The following MEGF8 variants were observed in gnomAD, a reference collection of about 807,000 sequenced individuals.
MEGF8 encodes multiple epidermal growth factor-like domains protein 8.
Under a neutral mutation model 302.9 loss-of-function variants are expected in MEGF8, and 156 were observed. That is an observed-to-expected ratio of 0.52 (90% CI 0.45 to 0.59). The LOEUF (loss-of-function observed/expected upper bound fraction) is 0.59. Ranked by LOEUF, MEGF8 falls within the 20% of genes least tolerant of loss-of-function variation. The pLI, the probability that MEGF8 is intolerant of heterozygous loss-of-function variation, is 0.00. For synonymous variants in MEGF8, 1,621 were observed against 1,660.5 expected, an observed-to-expected ratio of 0.98 and a Z score of 0.58; for missense variants, 3,345 against 3,964.5, an observed-to-expected ratio of 0.84 and a Z score of 4.20.
intron 1 of MEGF8, among the ~76,000 whole-genome samples, chr19:42,326,998 C>T (rs535418994): frequency 3.9e-5 from 6 of 152,218 alleles, no homozygotes; most frequent in South Asian, 4.1e-4. Flanking sequence ...AGCCACTGTG[C>T]CTGGCTTCTT....
chr19:42,352,180 C>T lies in MEGF8; in HGVS notation c.3102-28C>T. 7 of 1,486,540 alleles carry T rather than the reference C, an allele frequency of 4.7e-6. No homozygotes were observed. Among genetic ancestry groups the T allele is most frequent in the Non-Finnish European group, 6.3e-6 (7 of 1,114,818 alleles). 92.1% of individuals were successfully genotyped at this position (1,486,540 alleles called of 1,614,324 possible). Reference sequence around the variant, plus strand: ...TATGGCTCCTGTTTCTATGTTGTCCCCCGCTTCTTCACTCTCCCACCCTGC... The same window carrying T: ...TATGGCTCCTGTTTCTATGTTGTCCTCCGCTTCTTCACTCTCCCACCCTGC... On this transcript the variant is annotated intron_variant, in intron 18 of 41. Transcript: ENST00000251268. The surrounding 1 kb of genome is among the most constrained non-coding windows in gnomAD (Gnocchi z 4.4).
In MEGF8 at chr19:42,348,368, G is replaced by C; in HGVS notation, c.2194G>C (p.Gly732Arg). 1 of 1,537,380 alleles carries C rather than the reference G, an allele frequency of 6.5e-7. No homozygotes were observed. Among genetic ancestry groups the C allele is most frequent in the Non-Finnish European group, 8.7e-7 (1 of 1,146,928 alleles). The change falls in exon 13 of 42, where the codon GGA becomes CGA. Residue 732 changes from glycine to arginine, a missense_variant. Gly to Arg is a moderately radical substitution (Grantham distance 125). Transcript: ENST00000251268. ...YRGFIYPMLP[G>R]GPGGPGAEDV... ...TGGCTTCATCTACCCAATGCTGCCT[G>C]GAGGGCCAGGTGGACCAGGGGCTGA...
chr19:42,352,221 GA>G lies in MEGF8; in HGVS notation c.3116del (p.Asp1039AlafsTer54). The G allele has an allele frequency of 6.5e-7, 1 of 1,539,622 alleles. No homozygotes were observed. Among genetic ancestry groups the G allele is most frequent in the Non-Finnish European group, 8.8e-7 (1 of 1,137,808 alleles). ...NPTLGRCLQG[D>X]FSGPLGGGNC... The stretch of plus-strand genomic sequence containing the variant: ...CCCACCCTGCAGGTGCCTACAGGGG[GA>G]CTTCTCAGGGCCCCTCGGTGGGGGT... On this transcript the variant is annotated frameshift_variant, in exon 19 of 42. Transcript: ENST00000251268. LOFTEE classifies it high-confidence loss of function. This position sits in a 1 kb window ranked among gnomAD's most constrained non-coding sequence, Gnocchi z 4.4.
At position 42,333,750 on chromosome 19, in the gene MEGF8, C is replaced by A; in HGVS notation, c.333C>A (p.Ile111=). 1 of 1,613,894 alleles carries A rather than the reference C, an allele frequency of 6.2e-7. No individual in the cohort carries two copies. Among genetic ancestry groups the A allele is most frequent in the Non-Finnish European group, 8.5e-7 (1 of 1,179,856 alleles). The change falls in exon 2 of 42, where the codon ATC becomes ATA. Residue 111 remains isoleucine (I), a synonymous_variant. Coordinates refer to ENST00000251268, the MANE Select transcript of MEGF8 (RefSeq NM_001271938.2). ...SLSGSTRPPP[I]EASSGKMLLH... The stretch of plus-strand genomic sequence containing the variant: ...GTGGGAGCACCCGACCTCCGCCCAT[C>A]GAAGCTTCCTCAGGCAAGGTTAGTG...
Position 42,353,966 on chromosome 19 carries a change from G to T in MEGF8, c.3953G>T (p.Gly1318Val). The T allele has an allele frequency of 6.3e-7, 1 of 1,582,534 alleles. No individual in the cohort carries two copies. Among genetic ancestry groups the T allele is most frequent in the East Asian group, 2.3e-5 (1 of 42,738 alleles). The change falls in exon 22 of 42, where the codon GGG becomes GTG. Residue 1318 changes from glycine to valine, a missense_variant. Physicochemically the swap from Gly to Val is moderately radical, Grantham distance 109 (BLOSUM62 -3). Coordinates refer to ENST00000251268, the MANE Select transcript of MEGF8 (RefSeq NM_001271938.2). This position sits in a 1 kb window ranked among gnomAD's most constrained non-coding sequence, Gnocchi z 6.1. ...GAGGAGCTACAGCCCTGTGCTCCCG[G>T]GACCCTCTGTCCCCCACTCACCCTC... Reference protein sequence around the residue: ...ATEELQPCAPGTLCPPLTLTF... With the variant: ...ATEELQPCAPVTLCPPLTLTF...
intron 41 of MEGF8, among the ~76,000 whole-genome samples, chr19:42,374,093 GA>G (rs1568578794): frequency 6.6e-6 from 1 of 152,138 alleles, no homozygotes; most frequent in Non-Finnish European, 1.5e-5. Context: ...GTGCTGTGTA[GA>G]CAGTGGTGAC....
chr19:42,356,414 G>A lies in MEGF8; in HGVS notation c.4583G>A (p.Gly1528Asp), dbSNP rs1179202062. 3 of 1,610,872 alleles carry A rather than the reference G, an allele frequency of 1.9e-6. No individual in the cohort carries two copies. Among genetic ancestry groups the A allele is most frequent in the Non-Finnish European group, 2.5e-6 (3 of 1,178,632 alleles). Residue 1528 changes from glycine (G) to aspartate (D), a missense_variant, in exon 26 of 42, where the codon GGC becomes GAC. Coordinates refer to ENST00000251268, the MANE Select transcript of MEGF8 (RefSeq NM_001271938.2). The surrounding 1 kb of genome is among the most constrained non-coding windows in gnomAD (Gnocchi z 5.2). ...GPDATLWMFG[G>D]LGLPQGLLGN... ...GATGCCACCTTGTGGATGTTTGGGG[G>A]CCTGGGCCTGCCCCAGGGGCTGCTG...
At chr19:42,374,677 G>C (rs1892801986) in intron 41 of MEGF8, among the ~76,000 whole-genome samples, 1 of 152,202 alleles carries the variant, frequency 6.6e-6, no homozygotes, top group South Asian at 2.1e-4. Context: ...GGTTGCTGGG[G>C]ACACAGTAGG....
rs1283255317 is a variant in MEGF8 at position 42,358,357 on chromosome 19, G to A, written c.5175+50G>A. On this transcript the variant is annotated intron_variant, in intron 29 of 41. Coordinates refer to ENST00000251268, the MANE Select transcript of MEGF8 (RefSeq NM_001271938.2). The surrounding 1 kb of genome is among the most constrained non-coding windows in gnomAD (Gnocchi z 4.4). ...AGGATGTATGGGGCAGGAGGGAGGG[G>A]TCCTCTTTCCCAGTGCCCCAGGGAC... 2 of 1,530,976 alleles carry A rather than the reference G, an allele frequency of 1.3e-6. No homozygotes were observed. Among genetic ancestry groups the A allele is most frequent in the South Asian group, 2.5e-5 (2 of 79,154 alleles). The allele number at this position is 1,530,976 out of a possible 1,614,324, so 94.8% of individuals were successfully genotyped here. A position where few individuals can be genotyped will look rare whatever the true frequency, so the allele number is the denominator to read the frequency against.
Position 42,368,555 on chromosome 19 carries a change from C to T in MEGF8, c.6374C>T (p.Thr2125Ile). 6.3e-7 allele frequency: 1 copy of T among 1,598,510 alleles called. No homozygotes were observed. The highest frequency in any genetic ancestry group is 8.5e-7 in the Non-Finnish European group (1 of 1,173,322). Residue 2125 changes from threonine (T) to isoleucine (I), a missense_variant, in exon 36 of 42, where the codon ACT (threonine) becomes ATT (isoleucine). Thr to Ile is a moderately conservative substitution (Grantham distance 89). Transcript: ENST00000251268. This position sits in a 1 kb window ranked among gnomAD's most constrained non-coding sequence, Gnocchi z 4.9. ...ESCSLGCAQA[T>I]QCALCLRRPH... ...TGCTCCCTGGGCTGTGCTCAGGCAA[C>T]TCAGTGCGCCTTGTGCCTGCGGCGC...
At position 42,362,117 on chromosome 19, in the gene MEGF8, C is replaced by T. The variant is rs774809942; in HGVS notation, c.5748C>T (p.Ser1916=). 2 of 1,612,334 alleles carry T rather than the reference C, an allele frequency of 1.2e-6. No homozygotes were observed. Among genetic ancestry groups the T allele is most frequent in the Non-Finnish European group, 1.7e-6 (2 of 1,179,528 alleles). The change falls in exon 33 of 42, where the codon TCC becomes TCT. Residue 1916 remains serine (S), a synonymous_variant. Transcript: ENST00000251268. The part of the protein sequence containing the change: ...HRLGCGGSPC[S]PMPRSPEECR... ...TGGGCTGCGGGGGCTCCCCCTGCTC[C>T]CCAATGCCTCGCTCCCCGGAGGAAT...
rs150132353 is a variant in MEGF8 at position 42,355,828 on chromosome 19, C to T, written c.4215C>T (p.Ala1405=). 81 of 1,571,576 alleles carry T rather than the reference C, an allele frequency of 5.2e-5. No individual in the cohort carries two copies. Among genetic ancestry groups the T allele is most frequent in the Non-Finnish European group, 7.0e-5 (81 of 1,158,200 alleles). ...SWGFNASVGS[A]RCGSGGPGSC... ...GCTTCAATGCTTCGGTGGGCTCTGC[C>T]CGCTGTGGGTCAGGGGGCCCCGGGA... is the stretch of plus-strand genomic sequence containing the variant. The change falls in exon 24 of 42, where the codon GCC becomes GCT. Residue 1405 remains alanine, a synonymous_variant. Transcript: ENST00000251268.
intron 35 of MEGF8, among the ~76,000 whole-genome samples, chr19:42,367,596 C>G (rs115444318): frequency 6.6e-6 from 1 of 152,164 alleles, no homozygotes; most frequent in Non-Finnish European, 1.5e-5. Context: ...TGCAACCCCA[C>G]TCCTGATACT....
chr19:42,371,061 G>A (rs919727137), intron 40 of MEGF8, among the ~76,000 whole-genome samples: 17 of 150,692 alleles, frequency 1.1e-4, no homozygotes, highest in East Asian at 3.9e-4. Flanking sequence ...AGTCCACAGA[G>A]CGGCCCCATC....
chr19:42,363,630 T>G (rs1177188315), intron 35 of MEGF8, among the ~76,000 whole-genome samples: 1 of 152,234 alleles, frequency 6.6e-6, no homozygotes. Context: ...CATCCACGAC[T>G]CTTAATGCTT....
rs1332721702 is a variant in MEGF8 at position 42,353,316 on chromosome 19, CCTCT to C, written c.3551-148_3551-145del. Reference sequence around the variant, plus strand: ...TCACTCTGGTTGGGCTTCAGTTCCCCCTCTTGGGACTTGCTGTTTCCCCTGATCT... The same window carrying C: ...TCACTCTGGTTGGGCTTCAGTTCCCCTGGGACTTGCTGTTTCCCCTGATCT... On this transcript the variant is annotated intron_variant, in intron 20 of 41. Coordinates refer to ENST00000251268, the MANE Select transcript of MEGF8 (RefSeq NM_001271938.2). The surrounding 1 kb of genome is among the most constrained non-coding windows in gnomAD (Gnocchi z 6.1). 1.6e-5 allele frequency: 17 copies of C among 1,078,756 alleles called. No homozygotes were observed. The highest frequency in any genetic ancestry group is 2.2e-5 in the Non-Finnish European group (17 of 757,308). 66.8% of individuals were successfully genotyped at this position (1,078,756 alleles called of 1,614,324 possible).
At chr19:42,372,092 C>G (rs1322150103) in intron 41 of MEGF8, among the ~76,000 whole-genome samples, 1 of 151,900 alleles carries the variant, frequency 6.6e-6, no homozygotes, top group African/African-American at 2.4e-5. Context: ...CACACACACA[C>G]ACACACAACA....
chr19:42,340,902 A>T (rs2147458741), intron 8 of MEGF8, among the ~76,000 whole-genome samples: 1 of 148,288 alleles, frequency 6.7e-6, no homozygotes, highest in East Asian at 2.1e-4. Context: ...TCCTGACCTT[A>T]AGTAATCTGC....
intron 8 of MEGF8, among the ~76,000 whole-genome samples, chr19:42,338,895 C>T (rs1023596048): frequency 1.8e-4 from 22 of 120,084 alleles, no homozygotes; most frequent in African/African-American, 4.3e-4. Flanking sequence ...AGTGCAGTGG[C>T]GGGATCTCGG....
Sources: gnomAD v4.1 joint callset for allele counts (sites outside exome capture counted in the v4.1 genomes callset) on GRCh38, gnomAD v4.1.1 for gene constraint, Gnocchi (gnomAD v3.1) non-coding constraint, MANE v1.5 for transcripts, NCBI Gene and HGNC (gene_info 2026-07-23, HGNC 2026-07-21) for gene names.